TMEM40: variants seen among roughly 807,000 people sequenced by gnomAD.
TMEM40 encodes transmembrane protein 40.
In TMEM40, 34 loss-of-function variants were observed where a neutral mutation model predicts 40.8. That is an observed-to-expected ratio of 0.83 (90% CI 0.63 to 1.11). The LOEUF (loss-of-function observed/expected upper bound fraction) is 1.11. TMEM40 is among the 50% of genes least tolerant of loss of function. The pLI, the probability that TMEM40 is intolerant of heterozygous loss-of-function variation, is 0.00. For missense variants in TMEM40, 296 were observed against 280.2 expected (o/e 1.06, Z -0.40); for synonymous variants, 106 against 107.0 (o/e 0.99, Z 0.06).
chr3:12,734,789 G>T lies in TMEM40; in HGVS notation c.687C>A (p.Phe229Leu). Residue 229 changes from phenylalanine (F) to leucine (L), a missense_variant, in exon 12 of 12, where the codon TTC (phenylalanine) becomes TTA (leucine). Coordinates refer to ENST00000314124, the MANE Select transcript of TMEM40 (RefSeq NM_018306.4). ...PLFQKFRLTG[F>L]RKTD is the part of the protein sequence containing the mutation. ...GGAAGTGGCCTCAGTCAGTCTTCCTGAACCCTGGAAGGCAAAGACCACAGG... is the reference window on the plus strand; with the variant it reads ...GGAAGTGGCCTCAGTCAGTCTTCCTTAACCCTGGAAGGCAAAGACCACAGG... 6.3e-7 allele frequency: 1 copy of T among 1,599,480 alleles called. No individual in the cohort carries two copies. The highest frequency in any genetic ancestry group is 8.5e-7 in the Non-Finnish European group (1 of 1,173,448).
At chr3:12,769,137 TGGC>T (rs1481993133) in intron 1 of TMEM40, 7 of 79,568 alleles carry the variant, frequency 8.8e-5, no homozygotes, top group African/African-American at 3.6e-4. Flanking sequence ...TGCCCGGGAC[TGGC>T]GGGGCCTCTC....
chr3:12,744,391 C>T (rs1338315301), intron 3 of TMEM40, among the ~76,000 whole-genome samples: 1 of 152,132 alleles, frequency 6.6e-6, no homozygotes, highest in Non-Finnish European at 1.5e-5. Context: ...CCTGGAATAT[C>T]CTTCCTGTTT....
intron 6 of TMEM40, 152 bp from the exon 7 acceptor site, chr3:12,738,320 T>G (rs2061353581): frequency 9.7e-7 from 1 of 1,027,336 alleles, no homozygotes; most frequent in African/African-American, 1.6e-5. Context: ...GATGGCTGGT[T>G]GGTTGTAATC....
intron 1 of TMEM40, among the ~76,000 whole-genome samples, chr3:12,757,021 C>T (rs1224178755): frequency 3.9e-5 from 6 of 152,178 alleles, no homozygotes; most frequent in Admixed American, 2.0e-4. Flanking sequence ...GAGCGTGTCA[C>T]ATCCATTCTC....
At chr3:12,738,655 G>T in intron 5 of TMEM40, 67 bp from the exon 6 acceptor site, 1 of 1,550,022 alleles carries the variant, frequency 6.5e-7, no homozygotes, top group Non-Finnish European at 8.9e-7. Context: ...TCATGCTTCA[G>T]GGAAGGTGGA....
chr3:12,735,404 G>A, intron 11 of TMEM40, 151 bp downstream of exon 11: 2 of 736,494 alleles, frequency 2.7e-6, no homozygotes, highest in South Asian at 3.3e-5. Flanking sequence ...GGCTCATCCA[G>A]GGTCACAGAG....
intron 1 of TMEM40, among the ~76,000 whole-genome samples, chr3:12,755,246 TC>T (rs1197748157): frequency 9.2e-6 from 1 of 108,892 alleles, no homozygotes; most frequent in South Asian, 2.7e-4. Flanking sequence ...TTTCTTTCTT[TC>T]TTTCTTTCTT....
chr3:12,753,191 TTTTC>T (rs1244573677), intron 1 of TMEM40, among the ~76,000 whole-genome samples: 4 of 143,092 alleles, frequency 2.8e-5, no homozygotes, highest in African/African-American at 8.3e-5. Context: ...TTTTTGCCTT[TTTTC>T]TTTCTTTCTT....
exon 1 of TMEM40, chr3:12,769,270 G>A: frequency 2.4e-6 from 1 of 413,130 alleles, no homozygotes; most frequent in Non-Finnish European, 5.0e-6. Flanking sequence ...GGCTGAGGGA[G>A]CCGGCTCCGG....
intron 1 of TMEM40, among the ~76,000 whole-genome samples, chr3:12,767,081 A>G (rs1429866037): frequency 2.6e-5 from 4 of 152,146 alleles, no homozygotes; most frequent in Non-Finnish European, 5.9e-5. Flanking sequence ...CCTCCAGGTG[A>G]GGGAAGATCT....
intron 1 of TMEM40, among the ~76,000 whole-genome samples, chr3:12,754,574 C>T (rs370550731): frequency 6.6e-6 from 1 of 152,198 alleles, no homozygotes; most frequent in African/African-American, 2.4e-5. Context: ...CCTTAGGTGA[C>T]ATTAACAGAA....
At chr3:12,749,105 A>C (rs1207254259) in intron 2 of TMEM40, among the ~76,000 whole-genome samples, 3 of 151,764 alleles carry the variant, frequency 2.0e-5, no homozygotes, top group Non-Finnish European at 4.4e-5. Flanking sequence ...GCTCACTGCA[A>C]GCTCTGCCTC....
In TMEM40 at chr3:12,767,406, C is replaced by G. The variant is rs374116793; in HGVS notation, c.-9+1845G>C. On this transcript the variant is annotated intron_variant, in intron 1 of 11. Coordinates refer to the TMEM40 transcript ENST00000264728. ...GGGAGATGTCCTCTTTCCCAGGCGA[C>G]TGTGGCATCGATAGAAGAGATGAGA... Among the ~76,000 whole-genome samples, 12 of 152,254 alleles carry G rather than the reference C, an allele frequency of 7.9e-5. 1 individual carries two copies. The East Asian group carries it at 1.9e-3, about 25-fold the overall frequency.
chr3:12,759,330 C>A (rs2061553748), upstream of TMEM40: 1 of 152,436 alleles, frequency 6.6e-6, no homozygotes, highest in African/African-American at 2.4e-5. Context: ...TGTCCCTGGG[C>A]CCCACTCGCT....
intron 1 of TMEM40, among the ~76,000 whole-genome samples, chr3:12,753,257 C>T (rs1429523815): frequency 8.0e-6 from 1 of 124,592 alleles, no homozygotes; most frequent in African/African-American, 3.1e-5. Flanking sequence ...CTCACTCTAT[C>T]ACCCAGGCTG....
chr3:12,738,622 A>G (rs758885348), intron 5 of TMEM40, 34 bp from the exon 6 acceptor site: 1 of 1,609,002 alleles, frequency 6.2e-7, no homozygotes, highest in South Asian at 1.1e-5. Flanking sequence ...TCATATACCC[A>G]TGATCCTCTG....
intron 3 of TMEM40, among the ~76,000 whole-genome samples, chr3:12,744,457 C>T (rs568745154): frequency 3.5e-4 from 53 of 152,126 alleles, no homozygotes; most frequent in Non-Finnish European, 4.9e-4. Context: ...AAAGCCTTTG[C>T]CAACTGCCCC....
upstream of TMEM40, among the ~76,000 whole-genome samples, chr3:12,760,153 A>G (rs2061558977): frequency 6.6e-6 from 1 of 150,950 alleles, no homozygotes; most frequent in Non-Finnish European, 1.5e-5. Context: ...CCTTCTCTCC[A>G]CTCCTCAACT....
intron 1 of TMEM40, among the ~76,000 whole-genome samples, chr3:12,755,689 A>G (rs985121663): frequency 2.0e-5 from 3 of 152,126 alleles, no homozygotes; most frequent in African/African-American, 7.2e-5. Context: ...CCTGATGTGC[A>G]CCCTTGGCTC....
Sources: gnomAD v4.1 joint callset for allele counts (sites outside exome capture counted in the v4.1 genomes callset) on GRCh38, gnomAD v4.1.1 for gene constraint, MANE v1.5 for transcripts, NCBI Gene and HGNC (gene_info 2026-07-23, HGNC 2026-07-21) for gene names.